Variants in CHRDL1 observed in about 807,000 individuals in gnomAD.
CHRDL1 encodes the protein chordin like 1, also known as chordin-like protein 1.
Under a neutral mutation model 40.9 loss-of-function variants are expected in CHRDL1, and 19 were observed. That is an observed-to-expected ratio of 0.46 (90% CI 0.32 to 0.68). CHRDL1 has a LOEUF of 0.68. Among genes scored for constraint, CHRDL1 ranks in the 30% least tolerant of loss-of-function variants. CHRDL1 has a pLI of 0.03. For missense variants in CHRDL1, 329 were observed against 352.1 expected (o/e 0.93, Z 0.53); for synonymous variants, 136 against 123.4 (o/e 1.10, Z -0.68).
rs1267780508 is a variant in CHRDL1, at chrX:110,689,725, A to G, written c.779-922T>C. On this transcript the variant is annotated intron_variant, in intron 8 of 11. Coordinates refer to ENST00000372042, the MANE Select transcript of CHRDL1 (RefSeq NM_001143981.2). ...TATATATCTATATATATATCTATAT[A>G]TATCTATATATCTATATATATCTAT... Among the ~76,000 whole-genome samples the G allele has an allele frequency of 4.8e-5, 2 of 42,025 alleles. 1 individual carries two copies. The highest frequency in any genetic ancestry group is 7.1e-5 in the Non-Finnish European group (2 of 28,009). 36.5% of individuals were successfully genotyped at this position (42,025 alleles called of 115,157 possible).
In CHRDL1 at chrX:110,721,372, T is replaced by C. The variant is rs1603191966; in HGVS notation, c.447+13A>G. ...GTAGGGCCTAGCAGGAATGTTAAGA[T>C]GTAGGGTCTTACCGAACAGCTGCAC... On this transcript the variant is annotated intron_variant, in intron 5 of 11. Transcript: ENST00000372042. The C allele has an allele frequency of 1.7e-6, 2 of 1,206,888 alleles. No individual in the cohort carries two copies. The highest frequency in any genetic ancestry group is 2.2e-6 in the Non-Finnish European group (2 of 890,738).
chrX:110,678,142 T>C (rs1274762056), intron 11 of CHRDL1, among the ~76,000 whole-genome samples: 1 of 111,877 alleles, frequency 8.9e-6, no homozygotes, highest in African/African-American at 3.2e-5. Context: ...ATTCACTTGC[T>C]TAAAAACCTC....
chrX:110,698,228 T>TGCATAATG (rs1159276613), intron 7 of CHRDL1, among the ~76,000 whole-genome samples: 18 of 111,344 alleles, frequency 1.6e-4, no homozygotes, highest in Non-Finnish European at 1.9e-5. Context: ...GATTCTCCTA[T>TGCATAATG]TTTCTCATTT....
intron 8 of CHRDL1, among the ~76,000 whole-genome samples, chrX:110,691,327 G>A (rs1362567315): frequency 9.2e-6 from 1 of 108,571 alleles, no homozygotes; most frequent in Non-Finnish European, 1.9e-5. Context: ...AAATATATCT[G>A]GCTCCTACTA....
At position 110,726,300 on chromosome X, in the gene CHRDL1, T is replaced by G. The variant is rs763308899; in HGVS notation, c.302-4770A>C. On this transcript the variant is annotated intron_variant, in intron 4 of 11. Coordinates refer to ENST00000372042, the MANE Select transcript of CHRDL1 (RefSeq NM_001143981.2). ...GGAGATGGGGCCTTTGGGAGGTGAT[T>G]AAGTTATAAGGGCAACATCCTCATG... 3.6e-5 allele frequency among the ~76,000 whole-genome samples: 4 copies of G among 111,273 alleles called. No individual in the cohort carries two copies. In the South Asian group the frequency reaches 1.6e-3, roughly 43 times the overall value.
Position 110,694,232 on chromosome X carries a change from T to G in CHRDL1, c.709A>C (p.Met237Leu). The change falls in exon 8 of 12, where the codon ATG becomes CTG. Residue 237 changes from methionine to leucine, a missense_variant. By Grantham distance (15) the Met-to-Leu change is conservative (BLOSUM62 2). Coordinates refer to ENST00000372042, the MANE Select transcript of CHRDL1 (RefSeq NM_001143981.2). ...PGARSHRGAL[M>L]DSQQASGTIV... Reference sequence around the variant, plus strand: ...GTTCCTGATGCTTGCTGGGAATCCATAAGAGCTCCCCGGTGACTTCTGGCC... The same window carrying G: ...GTTCCTGATGCTTGCTGGGAATCCAGAAGAGCTCCCCGGTGACTTCTGGCC... 1.7e-6 allele frequency: 2 copies of G among 1,209,396 alleles called. No homozygotes were observed. Among genetic ancestry groups the G allele is most frequent in the Non-Finnish European group, 2.2e-6 (2 of 893,284 alleles).
intron 9 of CHRDL1, among the ~76,000 whole-genome samples, chrX:110,686,182 T>C (rs939965734): frequency 9.0e-6 from 1 of 111,412 alleles, no homozygotes; most frequent in African/African-American, 3.3e-5. Context: ...CAGGTGTGAG[T>C]CACTGCACCC....
At chrX:110,776,306 T>G (rs1375459369) in intron 2 of CHRDL1, among the ~76,000 whole-genome samples, 1 of 111,888 alleles carries the variant, frequency 8.9e-6, no homozygotes, top group African/African-American at 3.2e-5. Flanking sequence ...AATTTTTGTC[T>G]GAGAAAGTCT....
intron 4 of CHRDL1, among the ~76,000 whole-genome samples, chrX:110,730,404 T>C (rs1202140111): frequency 9.0e-6 from 1 of 110,931 alleles, no homozygotes; most frequent in Non-Finnish European, 1.9e-5. Context: ...GCAGTTGCTT[T>C]CTAGCCAGAG....
chrX:110,708,913 CA>C (rs1389273859), intron 6 of CHRDL1, among the ~76,000 whole-genome samples: 1 of 111,607 alleles, frequency 9.0e-6, no homozygotes, highest in African/African-American at 3.3e-5. Context: ...ATGGTCATCA[CA>C]CAGTCTGTTC....
chrX:110,791,873 T>C (rs944194481), intron 2 of CHRDL1, among the ~76,000 whole-genome samples: 2 of 111,972 alleles, frequency 1.8e-5, no homozygotes, highest in Non-Finnish European at 3.8e-5. Flanking sequence ...AGACAAAGAC[T>C]ACATGATAAT....
intron 8 of CHRDL1, among the ~76,000 whole-genome samples, chrX:110,692,437 G>A (rs1569463344): frequency 9.0e-6 from 1 of 111,609 alleles, no homozygotes; most frequent in Non-Finnish European, 1.9e-5. Flanking sequence ...TAAACCAGCT[G>A]GGGTTTTTGT....
chrX:110,723,746 T>G (rs1026758020), intron 4 of CHRDL1, among the ~76,000 whole-genome samples: 1 of 112,309 alleles, frequency 8.9e-6, no homozygotes, highest in East Asian at 2.8e-4. Flanking sequence ...AAACAGACAA[T>G]GCACTTCTTT....
chrX:110,773,396 G>T (rs949638457), intron 2 of CHRDL1, among the ~76,000 whole-genome samples: 1 of 111,792 alleles, frequency 8.9e-6, no homozygotes, highest in Admixed American at 9.5e-5. Context: ...ACAGCTTTCT[G>T]TTACTGATTT....
intron 11 of CHRDL1, among the ~76,000 whole-genome samples, chrX:110,678,344 A>T (rs1356848157): frequency 3.6e-5 from 4 of 111,905 alleles, no homozygotes; most frequent in Non-Finnish European, 7.5e-5. Flanking sequence ...CTTGCCTTAC[A>T]TTTGAACATT....
intron 4 of CHRDL1, among the ~76,000 whole-genome samples, chrX:110,749,573 C>G (rs936743739): frequency 7.2e-5 from 8 of 111,865 alleles, no homozygotes; most frequent in African/African-American, 2.3e-4. Flanking sequence ...GACAACACAT[C>G]AAGACATTTA....
chrX:110,720,355 A>G (rs2070927107), intron 5 of CHRDL1, among the ~76,000 whole-genome samples: 1 of 111,957 alleles, frequency 8.9e-6, no homozygotes, highest in East Asian at 2.8e-4. Flanking sequence ...AAACCAAAGG[A>G]ACAAGCTCTC....
chrX:110,709,206 CTG>C (rs1250084406), intron 6 of CHRDL1, among the ~76,000 whole-genome samples: 10 of 112,575 alleles, frequency 8.9e-5, no homozygotes, highest in Non-Finnish European at 1.7e-4. Context: ...GCTTGGCACA[CTG>C]TGTCAGCTAA....
chrX:110,789,287 A>T (rs983065761), intron 2 of CHRDL1, among the ~76,000 whole-genome samples: 1 of 111,891 alleles, frequency 8.9e-6, no homozygotes, highest in Non-Finnish European at 1.9e-5. Context: ...ACAAAGATTG[A>T]TTATAATCTT....
Sources: allele counts gnomAD v4.1 joint callset (sites outside exome capture counted in the v4.1 genomes callset), GRCh38; gene constraint gnomAD v4.1.1; transcripts MANE v1.5; gene names NCBI Gene and HGNC (gene_info 2026-07-23, HGNC 2026-07-21).